The following RETREG1 variants were observed in gnomAD, a reference collection of about 807,000 sequenced individuals.
RETREG1 encodes the protein reticulophagy regulator 1.
Under a neutral mutation model 54.8 loss-of-function variants are expected in RETREG1, and 44 were observed. The ratio of observed to expected loss-of-function variants is 0.80; its 90% CI spans 0.63 to 1.03. RETREG1 has a LOEUF of 1.03. Ranked by LOEUF, RETREG1 falls within the 50% of genes least tolerant of loss-of-function variation. The pLI is 0.00. For synonymous variants in RETREG1, 217 were observed against 238.5 expected, an observed-to-expected ratio of 0.91 and a Z score of 0.83; for missense variants, 554 against 605.1, an observed-to-expected ratio of 0.92 and a Z score of 0.89.
At chr5:16,615,056 T>G (rs1743452960) in intron 1 of RETREG1, among the ~76,000 whole-genome samples, 1 of 152,314 alleles carries the variant, frequency 6.6e-6, no homozygotes, top group South Asian at 2.1e-4. Flanking sequence ...ACTTTTGCAC[T>G]GTGAGACTGT....
intron 3 of RETREG1, among the ~76,000 whole-genome samples, chr5:16,557,610 C>T (rs1283776825): frequency 6.6e-6 from 1 of 152,138 alleles, no homozygotes; most frequent in Non-Finnish European, 1.5e-5. Context: ...CTCTATTGTG[C>T]AATATATGAC....
chr5:16,564,128 T>C lies in RETREG1; in HGVS notation c.458+1635A>G, dbSNP rs192694497. On this transcript the variant is annotated intron_variant, in intron 3 of 8. Transcript: ENST00000306320. ...TATTTTCTGCTTAGGAATCAGATTT[T>C]AAATTCTCAGTTTGCTTTTCATTCT... Among the ~76,000 whole-genome samples, 31 of 152,330 alleles carry C rather than the reference T, an allele frequency of 2.0e-4. No individual in the cohort carries two copies. The East Asian group carries it at 5.4e-3, about 27-fold the overall frequency.
intron 4 of RETREG1, among the ~76,000 whole-genome samples, chr5:16,482,405 T>A (rs1339861909): frequency 6.7e-6 from 1 of 150,112 alleles, no homozygotes; most frequent in Non-Finnish European, 1.5e-5. Context: ...TTCAGTAAAA[T>A]CAACATCAAC....
chr5:16,508,623 T>G (rs1391703003), intron 3 of RETREG1: 3 of 1,614,068 alleles, frequency 1.9e-6, no homozygotes, highest in Non-Finnish European at 2.5e-6. Flanking sequence ...TTCTGCCCTT[T>G]AAAAATAATA....
chr5:16,510,311 A>G lies in RETREG1; in HGVS notation c.459-26839T>C, dbSNP rs1740128945. On this transcript the variant is annotated intron_variant, in intron 3 of 8. Coordinates refer to ENST00000306320, the MANE Select transcript of RETREG1 (RefSeq NM_001034850.3). ...AGATGAACTGGGTGTGGTTACTCAGACACACAACTGAAATACCAGGGACTT... is the reference window on the plus strand; with the variant it reads ...AGATGAACTGGGTGTGGTTACTCAGGCACACAACTGAAATACCAGGGACTT... 2.0e-5 allele frequency among the ~76,000 whole-genome samples: 3 copies of G among 152,220 alleles called. No individual in the cohort carries two copies. In the South Asian group the frequency reaches 6.2e-4, roughly 32 times the overall value.
At chr5:16,548,411 G>T (rs1320878449) in intron 3 of RETREG1, among the ~76,000 whole-genome samples, 1 of 152,182 alleles carries the variant, frequency 6.6e-6, no homozygotes, top group African/African-American at 2.4e-5. Context: ...CTGAAAGACT[G>T]TGGAGTAAGC....
chr5:16,516,584 T>C (rs919155569), intron 3 of RETREG1, among the ~76,000 whole-genome samples: 1 of 152,166 alleles, frequency 6.6e-6, no homozygotes, highest in Admixed American at 6.5e-5. Flanking sequence ...AGTCTGAGAA[T>C]TGCGGGGTAA....
At position 16,477,778 on chromosome 5, in the gene RETREG1, G is replaced by C; in HGVS notation, c.884C>G (p.Thr295Arg). 6.2e-7 allele frequency: 1 copy of C among 1,613,350 alleles called. No homozygotes were observed. Among genetic ancestry groups the C allele is most frequent in the Non-Finnish European group, 8.5e-7 (1 of 1,179,520 alleles). Residue 295 changes from threonine to arginine, a missense_variant, in exon 8 of 9, where the codon ACG (threonine) becomes AGG (arginine). This residue lies in a region of RETREG1 where 347 missense variants were observed against 412.3 expected (regional missense o/e 0.84). Transcript: ENST00000306320. The part of the protein sequence containing the change: ...FSALCPKISL[T>R]VAAKELSVSD... ...CACAGATAACTCTTTGGCAGCAACC[G>C]TGAGGCTAATCTGTGTTAATATAAA...
intron 3 of RETREG1, among the ~76,000 whole-genome samples, chr5:16,524,510 C>T (rs1740637683): frequency 6.6e-6 from 1 of 152,206 alleles, no homozygotes; most frequent in Admixed American, 6.5e-5. Flanking sequence ...AGCATCAAAC[C>T]ATGGCAACGT....
intron 3 of RETREG1, among the ~76,000 whole-genome samples, chr5:16,491,580 C>CA (rs1477933852): frequency 6.6e-6 from 1 of 152,156 alleles, no homozygotes; most frequent in Non-Finnish European, 1.5e-5. Flanking sequence ...TAATAATTAG[C>CA]ATGCATTCCC....
chr5:16,556,387 C>G (rs1451460135), intron 3 of RETREG1, among the ~76,000 whole-genome samples: 1 of 152,108 alleles, frequency 6.6e-6, no homozygotes, highest in South Asian at 2.1e-4. Flanking sequence ...GTCTCGATCT[C>G]CTGACCTCGT....
At position 16,522,000 on chromosome 5, in the gene RETREG1, G is replaced by A. The variant is rs772627812; in HGVS notation, c.459-38528C>T. On this transcript the variant is annotated intron_variant, in intron 3 of 8. Transcript: ENST00000306320. Reference sequence around the variant, plus strand: ...CCACGTACCATCTGACGGCCTTGCGGTCTTGGCTGCATGAGCTTCACCTGC... The same window carrying A: ...CCACGTACCATCTGACGGCCTTGCGATCTTGGCTGCATGAGCTTCACCTGC... 1.3e-4 allele frequency among the ~76,000 whole-genome samples: 20 copies of A among 152,170 alleles called. 1 individual carries two copies. Among genetic ancestry groups the A allele is most frequent in the Non-Finnish European group, 2.6e-4 (18 of 68,032 alleles).
chr5:16,523,378 A>G (rs964374008), intron 3 of RETREG1, among the ~76,000 whole-genome samples: 1 of 152,124 alleles, frequency 6.6e-6, no homozygotes, highest in African/African-American at 2.4e-5. Context: ...CTCAGTTATC[A>G]TGACCTTGAC....
intron 1 of RETREG1, among the ~76,000 whole-genome samples, chr5:16,608,796 TA>T (rs1743264516): frequency 6.6e-6 from 1 of 152,170 alleles, no homozygotes; most frequent in South Asian, 2.1e-4. Flanking sequence ...GCTGACAGTC[TA>T]AAAAGATCCT....
At chr5:16,502,249 T>C (rs1212485023) in intron 3 of RETREG1, among the ~76,000 whole-genome samples, 1 of 152,234 alleles carries the variant, frequency 6.6e-6, no homozygotes, top group South Asian at 2.1e-4. Context: ...TGAGCCACCA[T>C]GCCCAGCCTA....
rs1032256447 is a variant in RETREG1, at chr5:16,571,130, C to T, written c.427+866G>A. ...ATGATAGTAAATCCGTACCAGCTGACATCGCTGGCTTCTAGTTGCCATCAG... is the reference window on the plus strand; with the variant it reads ...ATGATAGTAAATCCGTACCAGCTGATATCGCTGGCTTCTAGTTGCCATCAG... On this transcript the variant is annotated intron_variant, in intron 2 of 8. Transcript: ENST00000306320. 5.3e-5 allele frequency among the ~76,000 whole-genome samples: 8 copies of T among 152,322 alleles called. No homozygotes were observed. In the South Asian group the frequency reaches 1.2e-3, roughly 24 times the overall value.
At chr5:16,493,188 T>C (rs1324253839) in intron 3 of RETREG1, among the ~76,000 whole-genome samples, 2 of 152,332 alleles carry the variant, frequency 1.3e-5, no homozygotes, top group Non-Finnish European at 2.9e-5. Flanking sequence ...CTGCTACTTC[T>C]CCAGGTGATC....
intron 3 of RETREG1, among the ~76,000 whole-genome samples, chr5:16,510,827 A>C (rs978989703): frequency 2.2e-4 from 33 of 151,112 alleles, no homozygotes; most frequent in African/African-American, 8.0e-4. Context: ...ACAAAAAAAA[A>C]AAAAAAAAAA....
At chr5:16,581,753 AC>A (rs574101105) in intron 1 of RETREG1, among the ~76,000 whole-genome samples, 115 of 29,848 alleles carry the variant, frequency 3.9e-3, no homozygotes, top group African/African-American at 9.2e-3. Context: ...AAGAAAAAAA[AC>A]GATACATTTT....
Sources: allele counts gnomAD v4.1 joint callset (sites outside exome capture counted in the v4.1 genomes callset), GRCh38; gene constraint gnomAD v4.1.1; regional missense constraint gnomAD v4.1.1; transcripts MANE v1.5; gene names NCBI Gene and HGNC (gene_info 2026-07-23, HGNC 2026-07-21).